The following MDM2 variants were observed in gnomAD, a reference collection of about 807,000 sequenced individuals.
The protein encoded by MDM2 is MDM2 proto-oncogene.
In MDM2, 11 loss-of-function variants were observed where a neutral mutation model predicts 64.3. The observed-to-expected ratio is 0.17, with a 90% CI of 0.11 to 0.28. The LOEUF (loss-of-function observed/expected upper bound fraction) is 0.28. Among genes scored for constraint, MDM2 ranks in the 10% least tolerant of loss-of-function variants. The pLI is 1.00. For synonymous variants in MDM2, 194 were observed against 192.9 expected, an observed-to-expected ratio of 1.01 and a Z score of -0.05; for missense variants, 388 against 577.1, an observed-to-expected ratio of 0.67 and a Z score of 3.36.
intron 8 of MDM2, among the ~76,000 whole-genome samples, chr12:68,831,004 A>G (rs1592591848): frequency 6.6e-6 from 1 of 152,094 alleles, no homozygotes; most frequent in Middle Eastern, 3.4e-3. Context: ...CCGGACCCCT[A>G]TTTAATGTAT....
chr12:68,831,547 G>T (rs1882798182), intron 8 of MDM2, among the ~76,000 whole-genome samples: 1 of 152,194 alleles, frequency 6.6e-6, no homozygotes, highest in Non-Finnish European at 1.5e-5. Flanking sequence ...GAATCGCCAT[G>T]TTGGGTGGAC....
intron 4 of MDM2, 27 bp from the exon 5 acceptor site, chr12:68,820,295 CTTG>C (rs757100640): frequency 5.1e-5 from 74 of 1,463,230 alleles, no homozygotes; most frequent in Non-Finnish European, 6.5e-5. Context: ...ATGTACATCT[CTTG>C]TTATTTTTTT....
Position 68,843,438 on chromosome 12 carries a change from C to T in MDM2, c.*3589C>T. The T allele has an allele frequency of 4.4e-6, 1 of 229,096 alleles. No individual in the cohort carries two copies. Among genetic ancestry groups the T allele is most frequent in the East Asian group, 6.3e-5 (1 of 15,932 alleles). 14.2% of individuals were successfully genotyped at this position (229,096 alleles called of 1,614,324 possible). On this transcript the variant is annotated 3_prime_UTR_variant, in exon 11 of 11. Transcript: ENST00000258149. ...ATTGTATGTGAAACAGTACATACACCATATTTACAATTATGTATTTAACAT... is the reference window on the plus strand; with the variant it reads ...ATTGTATGTGAAACAGTACATACACTATATTTACAATTATGTATTTAACAT...
chr12:68,814,581 G>T, intron 3 of MDM2: 1 of 372,858 alleles, frequency 2.7e-6, no homozygotes, highest in South Asian at 2.0e-5. Flanking sequence ...CAAATTAATG[G>T]ACCCCCTGAA....
intron 7 of MDM2, among the ~76,000 whole-genome samples, chr12:68,826,203 G>A (rs1882303940): frequency 6.6e-6 from 1 of 152,032 alleles, no homozygotes; most frequent in Non-Finnish European, 1.5e-5. Context: ...AATGCCAAAA[G>A]GGTGTCCTTT....
chr12:68,833,149 AATAT>A (rs57734852), intron 8 of MDM2, among the ~76,000 whole-genome samples: 1,287 of 65,988 alleles, frequency 0.02, 26 homozygotes, highest in African/African-American at 0.034. Context: ...AAAAAAAAAA[AATAT>A]ATATATATAT....
At chr12:68,815,685 T>C in intron 3 of MDM2, 1 of 406,790 alleles carries the variant, frequency 2.5e-6, no homozygotes, top group Non-Finnish European at 4.9e-6. Context: ...TCAAGGGATC[T>C]GCTTACCTCG....
At chr12:68,833,666 C>G (rs577358858) in intron 8 of MDM2, among the ~76,000 whole-genome samples, 97 of 151,940 alleles carry the variant, frequency 6.4e-4, no homozygotes, top group African/African-American at 2.2e-3. Context: ...TACTCAGCCC[C>G]GCTCTTGTAA....
intron 8 of MDM2, among the ~76,000 whole-genome samples, chr12:68,832,194 T>C (rs1882852166): frequency 6.6e-6 from 1 of 152,230 alleles, no homozygotes; most frequent in South Asian, 2.1e-4. Context: ...TAGTCATCAT[T>C]GGGTGTCATC....
At chr12:68,824,844 C>T (rs573188156) in intron 7 of MDM2, 193 bp downstream of exon 7, 2 of 552,808 alleles carry the variant, frequency 3.6e-6, no homozygotes, top group East Asian at 3.1e-5. Context: ...TGGCTGACTA[C>T]AGCAGGCACA....
intron 4 of MDM2, 92 bp downstream of exon 4, chr12:68,817,037 G>T (rs1209218287): frequency 6.9e-7 from 1 of 1,449,026 alleles, no homozygotes; most frequent in East Asian, 2.5e-5. Context: ...GAGAAAAACT[G>T]TTGAAACATA....
In MDM2 at chr12:68,836,784, T is replaced by G. The variant is rs763944701; in HGVS notation, c.918+35T>G. The G allele has an allele frequency of 1.4e-5, 20 of 1,384,242 alleles. No homozygotes were observed. In the African/African-American group the frequency reaches 2.6e-4, roughly 18 times the overall value. 85.7% of individuals were successfully genotyped at this position (1,384,242 alleles called of 1,614,324 possible). A position where few individuals can be genotyped will look rare whatever the true frequency, so the allele number is the denominator to read the frequency against. On this transcript the variant is annotated intron_variant, in intron 10 of 10. Coordinates refer to ENST00000258149, the MANE Select transcript of MDM2 (RefSeq NM_002392.6). ...CATCTACTTTTTTAAGAAATAAAAA[T>G]TTCATTAAGGTCAAGATTAGGAGAC...
In MDM2 at chr12:68,845,206, AAAAAG is replaced by A. The variant is rs150809237; in HGVS notation, c.*5362_*5366del. On this transcript the variant is annotated 3_prime_UTR_variant, in exon 11 of 11. Transcript: ENST00000258149. Reference sequence around the variant, plus strand: ...AATTACATTTTGATTTGATACTTATAAAAAGAAAAAGTATTTCTTCAGCTTAAAAA... The same window carrying A: ...AATTACATTTTGATTTGATACTTATAAAAAAGTATTTCTTCAGCTTAAAAA... 0.11 allele frequency: 11,425 copies of A among 106,502 alleles called. 1,331 individuals carry two copies. Among genetic ancestry groups the A allele is most frequent in the African/African-American group, 0.3 (10,730 of 35,534 alleles). 6.6% of individuals were successfully genotyped at this position (106,502 alleles called of 1,614,324 possible).
At chr12:68,822,814 C>G (rs1432062036) in intron 5 of MDM2, among the ~76,000 whole-genome samples, 1 of 151,002 alleles carries the variant, frequency 6.6e-6, no homozygotes, top group Non-Finnish European at 1.5e-5. Context: ...GATCTCGGAT[C>G]ACTGCAACCT....
At chr12:68,818,092 C>T (rs1881542472) in intron 4 of MDM2, among the ~76,000 whole-genome samples, 1 of 152,102 alleles carries the variant, frequency 6.6e-6, no homozygotes, top group Non-Finnish European at 1.5e-5. Flanking sequence ...CCACACCCGG[C>T]CTACATTTGG....
intron 2 of MDM2, among the ~76,000 whole-genome samples, chr12:68,812,140 C>A (rs1880955829): frequency 2.0e-5 from 3 of 151,520 alleles, no homozygotes; most frequent in Admixed American, 1.3e-4. Flanking sequence ...ATTTTTAAAT[C>A]TTTTTTGAGA....
At chr12:68,820,181 G>A in intron 4 of MDM2, 144 bp from the exon 5 acceptor site, 2 of 568,042 alleles carry the variant, frequency 3.5e-6, no homozygotes, top group Middle Eastern at 9.3e-4. Context: ...GTGCCTACAA[G>A]CTTGCCAATG....
At chr12:68,809,396 T>G in intron 2 of MDM2, 104 bp downstream of exon 2, 1 of 1,039,704 alleles carries the variant, frequency 9.6e-7, no homozygotes, top group Admixed American at 1.8e-5. Flanking sequence ...TAAATAAAAT[T>G]GTATGTGCAT....
Position 68,843,764 on chromosome 12 carries a change from G to A in MDM2, c.*3915G>A, listed in dbSNP as rs529320322. 1 of 223,256 alleles carries A rather than the reference G, an allele frequency of 4.5e-6. No individual in the cohort carries two copies. The highest frequency in any genetic ancestry group is 1.8e-4 in the South Asian group (1 of 5,426). The allele number at this position is 223,256 out of a possible 1,614,324, so 13.8% of individuals were successfully genotyped here. A position where few individuals can be genotyped will look rare whatever the true frequency, so the allele number is the denominator to read the frequency against. On this transcript the variant is annotated 3_prime_UTR_variant, in exon 11 of 11. Coordinates refer to ENST00000258149, the MANE Select transcript of MDM2 (RefSeq NM_002392.6). ...AGGGATTAGTAGTTTACCTGTGGAGGTCCTCCAAGCATTATTTGGAGTTGA... is the reference window on the plus strand; with the variant it reads ...AGGGATTAGTAGTTTACCTGTGGAGATCCTCCAAGCATTATTTGGAGTTGA...
Sources: allele counts gnomAD v4.1 joint callset (sites outside exome capture counted in the v4.1 genomes callset), GRCh38; gene constraint gnomAD v4.1.1; transcripts MANE v1.5; gene names NCBI Gene and HGNC (gene_info 2026-07-23, HGNC 2026-07-21).